The following EPS8 variants were observed in gnomAD, a reference collection of about 807,000 sequenced individuals.
EPS8 encodes epidermal growth factor receptor kinase substrate 8.
In EPS8, 42 loss-of-function variants were observed where a neutral mutation model predicts 103.8. The observed-to-expected ratio is 0.40, with a 90% CI of 0.32 to 0.52. The LOEUF is 0.52. Ranked by LOEUF, EPS8 falls within the 20% of genes least tolerant of loss-of-function variation. The probability of loss-of-function intolerance (pLI) is 0.40; values close to 1 mark genes in which losing one functional copy is unlikely to be tolerated. For synonymous variants in EPS8, 344 were observed against 344.6 expected (o/e 1.00, Z 0.02); for missense variants, 969 against 1,005.1 (o/e 0.96, Z 0.49).
At position 15,771,406 on chromosome 12, in the gene EPS8, C is replaced by T. The variant is rs1468153003; in HGVS notation, c.-22+17755G>A. The stretch of plus-strand genomic sequence containing the variant: ...AAGCAATGGACTGACATCATCTGAA[C>T]TCAGCTTTAGCAAGACTGATCTGAA... On this transcript the variant is annotated intron_variant, in intron 1 of 20. Transcript: ENST00000281172. The surrounding 1 kb of genome is among the most constrained non-coding windows in gnomAD (Gnocchi z 4.6). Among the ~76,000 whole-genome samples, 1 of 152,158 alleles carries T rather than the reference C, an allele frequency of 6.6e-6. No individual in the cohort carries two copies. Among genetic ancestry groups the T allele is most frequent in the Non-Finnish European group, 1.5e-5 (1 of 68,036 alleles).
rs1469133772 is a variant in EPS8, at chr12:15,725,492, G to C, written c.-21-42520C>G. Reference sequence around the variant, plus strand: ...AAAACTAAAAAAAAAAAAAAAATCTGCATGGGTGTGCACATACATTTTGTA... The same window carrying C: ...AAAACTAAAAAAAAAAAAAAAATCTCCATGGGTGTGCACATACATTTTGTA... On this transcript the variant is annotated intron_variant, in intron 1 of 20. Coordinates refer to ENST00000281172, the MANE Select transcript of EPS8 (RefSeq NM_004447.6). The surrounding 1 kb of genome is among the most constrained non-coding windows in gnomAD (Gnocchi z 4.5). 2.7e-5 allele frequency among the ~76,000 whole-genome samples: 4 copies of C among 150,674 alleles called. No individual in the cohort carries two copies. The highest frequency in any genetic ancestry group is 5.9e-5 in the Non-Finnish European group (4 of 67,738).
rs1591873607 is a variant in EPS8 at position 15,701,841 on chromosome 12, C to G, written c.-21-18869G>C. On this transcript the variant is annotated intron_variant, in intron 1 of 20. Coordinates refer to ENST00000281172, the MANE Select transcript of EPS8 (RefSeq NM_004447.6). This position sits in a 1 kb window ranked among gnomAD's most constrained non-coding sequence, Gnocchi z 5.1. ...CATAACATTTCCTTCTTCAAAATAACAAGCAATTAAATGGGATCTTGCTGT... is the reference window on the plus strand; with the variant it reads ...CATAACATTTCCTTCTTCAAAATAAGAAGCAATTAAATGGGATCTTGCTGT... Among the ~76,000 whole-genome samples, 3 of 152,248 alleles carry G rather than the reference C, an allele frequency of 2.0e-5. No homozygotes were observed. In the South Asian group the frequency reaches 6.2e-4, roughly 32 times the overall value.
chr12:15,788,395 G>C (rs1458854463), intron 1 of EPS8, among the ~76,000 whole-genome samples: 2 of 152,164 alleles, frequency 1.3e-5, no homozygotes, highest in African/African-American at 2.4e-5. Context: ...ACAGTACTAC[G>C]GGCCCTATGG....
At chr12:15,663,480 A>G (rs528015785) in intron 8 of EPS8, among the ~76,000 whole-genome samples, 41 of 152,244 alleles carry the variant, frequency 2.7e-4, no homozygotes, top group African/African-American at 9.6e-4. Context: ...GCCAAACCTG[A>G]TATAATAAGT....
chr12:15,669,315 T>G, intron 6 of EPS8, 72 bp downstream of exon 6: 1 of 1,394,452 alleles, frequency 7.2e-7, no homozygotes, highest in Admixed American at 2.2e-5. Context: ...AGATATATTA[T>G]CAAAATAGGT....
In EPS8 at chr12:15,761,652, T is replaced by C. The variant is rs1947043106; in HGVS notation, c.-22+27509A>G. On this transcript the variant is annotated intron_variant, in intron 1 of 20. Transcript: ENST00000281172. The surrounding 1 kb of genome is among the most constrained non-coding windows in gnomAD (Gnocchi z 4.5). ...TCCACACATCTACAGTCGACTCATT[T>C]TCAACAAAGGTGCCAAGAACATACA... Among the ~76,000 whole-genome samples the C allele has an allele frequency of 6.6e-6, 1 of 152,134 alleles. No homozygotes were observed. Among genetic ancestry groups the C allele is most frequent in the Admixed American group, 6.6e-5 (1 of 15,262 alleles).
rs965385044 is a variant in EPS8 at position 15,690,542 on chromosome 12, G to T, written c.-21-7570C>A. Among the ~76,000 whole-genome samples the T allele has an allele frequency of 2.0e-5, 3 of 152,006 alleles. No individual in the cohort carries two copies. Among genetic ancestry groups the T allele is most frequent in the Admixed American group, 2.0e-4 (3 of 15,266 alleles). ...GATTGTTTTGATAAGGGAACACAGA[G>T]GTATTATATCTTATCAAGGATTATC... is the stretch of plus-strand genomic sequence containing the variant. On this transcript the variant is annotated intron_variant, in intron 1 of 20. Transcript: ENST00000281172. This position sits in a 1 kb window ranked among gnomAD's most constrained non-coding sequence, Gnocchi z 4.7.
In EPS8 at chr12:15,752,099, G is replaced by A. The variant is rs1946938639; in HGVS notation, c.-22+37062C>T. Among the ~76,000 whole-genome samples the A allele has an allele frequency of 1.3e-5, 2 of 152,152 alleles. No homozygotes were observed. ...CAGACTGAGACACAAAGTTAATACAGAATCATTAGCAATGGTACTTGATAT... is the reference window on the plus strand; with the variant it reads ...CAGACTGAGACACAAAGTTAATACAAAATCATTAGCAATGGTACTTGATAT... On this transcript the variant is annotated intron_variant, in intron 1 of 20. Coordinates refer to ENST00000281172, the MANE Select transcript of EPS8 (RefSeq NM_004447.6). This position sits in a 1 kb window ranked among gnomAD's most constrained non-coding sequence, Gnocchi z 4.4.
rs768041480 is a variant in EPS8 at position 15,624,330 on chromosome 12, T to C, written c.2122A>G (p.Lys708Glu). ...ACGTTCTGCCGTGGCACATGGAATT[T>C]CTTCTGAGCGGCACTCCGACCAATG... ...LTIGRSAAQK[K>E]FHVPRQNVPV... The change falls in exon 19 of 21, where the codon AAA becomes GAA. Residue 708 changes from lysine (K) to glutamate (E), a missense_variant. Transcript: ENST00000281172. 6.2e-7 allele frequency: 1 copy of C among 1,612,622 alleles called. No individual in the cohort carries two copies. The highest frequency in any genetic ancestry group is 1.1e-5 in the South Asian group (1 of 90,860).
At position 15,728,137 on chromosome 12, in the gene EPS8, T is replaced by C. The variant is rs906734368; in HGVS notation, c.-21-45165A>G. On this transcript the variant is annotated intron_variant, in intron 1 of 20. Coordinates refer to ENST00000281172, the MANE Select transcript of EPS8 (RefSeq NM_004447.6). The surrounding 1 kb of genome is among the most constrained non-coding windows in gnomAD (Gnocchi z 4.5). ...TTTTGCATTCTACCTACTAGCTTTT[T>C]AGTGATGGAACTTTAACTGTTACCA... 6.6e-6 allele frequency: 1 copy of C among 152,246 alleles called. No homozygotes were observed. The highest frequency in any genetic ancestry group is 1.5e-5 in the Non-Finnish European group (1 of 68,048). 9.4% of individuals were successfully genotyped at this position (152,246 alleles called of 1,614,324 possible).
Position 15,764,180 on chromosome 12 carries a change from C to T in EPS8, c.-22+24981G>A, listed in dbSNP as rs1947070144. Among the ~76,000 whole-genome samples the T allele has an allele frequency of 1.3e-5, 2 of 152,112 alleles. No homozygotes were observed. Among genetic ancestry groups the T allele is most frequent in the Non-Finnish European group, 1.5e-5 (1 of 68,032 alleles). On this transcript the variant is annotated intron_variant, in intron 1 of 20. Transcript: ENST00000281172. The surrounding 1 kb of genome is among the most constrained non-coding windows in gnomAD (Gnocchi z 4.1). ...AAGAGAGCATATGCAGGGGAACTCC[C>T]CTTTATAAAACCATCAGATCTCGTG...
At chr12:15,648,512 T>C (rs1945358380) in intron 14 of EPS8, among the ~76,000 whole-genome samples, 1 of 152,100 alleles carries the variant, frequency 6.6e-6, no homozygotes, top group Admixed American at 6.5e-5. Context: ...AATACATAAA[T>C]AAAAATAAAC....
At position 15,747,481 on chromosome 12, in the gene EPS8, T is replaced by G. The variant is rs1030770312; in HGVS notation, c.-22+41680A>C. Among the ~76,000 whole-genome samples the G allele has an allele frequency of 6.6e-6, 1 of 152,152 alleles. No homozygotes were observed. Among genetic ancestry groups the G allele is most frequent in the Admixed American group, 6.5e-5 (1 of 15,268 alleles). ...TTCCAGTACTACCAATTCAGTAATC[T>G]TATAAGTTAAATTATTTTTGTGAAC... On this transcript the variant is annotated intron_variant, in intron 1 of 20. Transcript: ENST00000281172. This position sits in a 1 kb window ranked among gnomAD's most constrained non-coding sequence, Gnocchi z 4.4.
rs76240187 is a variant in EPS8, at chr12:15,748,847, C to T, written c.-22+40314G>A. ...CCCCGCCTCACCAAAAAAAGCCTAT[C>T]TGGTTTCCTAATTTTCATAATGGAA... On this transcript the variant is annotated intron_variant, in intron 1 of 20. Transcript: ENST00000281172. The surrounding 1 kb of genome is among the most constrained non-coding windows in gnomAD (Gnocchi z 4.8). 0.027 allele frequency among the ~76,000 whole-genome samples: 4,067 copies of T among 152,226 alleles called. 185 individuals are homozygous for T. The highest frequency in any genetic ancestry group is 0.093 in the African/African-American group (3,860 of 41,514).
At chr12:15,753,145 C>T (rs1946950959) in intron 1 of EPS8, among the ~76,000 whole-genome samples, 1 of 152,062 alleles carries the variant, frequency 6.6e-6, no homozygotes, top group African/African-American at 2.4e-5. Context: ...CTGTCCCCTG[C>T]AACATGCCAA....
intron 17 of EPS8, among the ~76,000 whole-genome samples, chr12:15,636,935 C>A (rs146447074): frequency 5.5e-4 from 84 of 152,322 alleles, no homozygotes; most frequent in Non-Finnish European, 9.7e-4. Context: ...CAAAGTAAAG[C>A]TATTCTGAGA....
In EPS8 at chr12:15,761,352, A is replaced by G. The variant is rs1424153507; in HGVS notation, c.-22+27809T>C. 6.6e-6 allele frequency among the ~76,000 whole-genome samples: 1 copy of G among 152,142 alleles called. No individual in the cohort carries two copies. Among genetic ancestry groups the G allele is most frequent in the South Asian group, 2.1e-4 (1 of 4,832 alleles). On this transcript the variant is annotated intron_variant, in intron 1 of 20. Coordinates refer to ENST00000281172, the MANE Select transcript of EPS8 (RefSeq NM_004447.6). This position sits in a 1 kb window ranked among gnomAD's most constrained non-coding sequence, Gnocchi z 4.5. ...AAGAATCAATATTGTTAAAATTTCC[A>G]TACTTCCCAAAGCAATCTACAGATT... is the stretch of plus-strand genomic sequence containing the variant.
rs1168594537 is a variant in EPS8, at chr12:15,623,231, T to C, written c.2282A>G (p.Asp761Gly). 4 of 1,612,874 alleles carry C rather than the reference T, an allele frequency of 2.5e-6. No individual in the cohort carries two copies. Among genetic ancestry groups the C allele is most frequent in the Non-Finnish European group, 3.4e-6 (4 of 1,179,528 alleles). ...NGAQLFSLNK[D>G]ELRTVCPEGA... is the part of the protein sequence containing the mutation. ...TTCAGGGCAGACTGTCCTCAGTTCA[T>C]CCTTATTGAGAGAGAAAAGTTGTGC... The change falls in exon 20 of 21, where the codon GAT becomes GGT. Residue 761 changes from aspartate to glycine, a missense_variant. Coordinates refer to ENST00000281172, the MANE Select transcript of EPS8 (RefSeq NM_004447.6).
At position 15,684,110 on chromosome 12, in the gene EPS8, T is replaced by G. The variant is rs1429975326; in HGVS notation, c.-21-1138A>C. On this transcript the variant is annotated intron_variant, in intron 1 of 20. Transcript: ENST00000281172. The surrounding 1 kb of genome is among the most constrained non-coding windows in gnomAD (Gnocchi z 4.9). ...ATAAGTGTAAAATTTTAAGTTGTAC[T>G]TATCATTACAAAGGGAACATTCATC... The G allele has an allele frequency of 6.6e-6, 1 of 152,170 alleles. No homozygotes were observed. The highest frequency in any genetic ancestry group is 1.5e-5 in the Non-Finnish European group (1 of 68,018). The allele number at this position is 152,170 out of a possible 1,614,324, so 9.4% of individuals were successfully genotyped here.
Sources: gnomAD v4.1 joint callset for allele counts (sites outside exome capture counted in the v4.1 genomes callset) on GRCh38, gnomAD v4.1.1 for gene constraint, Gnocchi (gnomAD v3.1) non-coding constraint, MANE v1.5 for transcripts, NCBI Gene and HGNC (gene_info 2026-07-23, HGNC 2026-07-21) for gene names.